IGSF1: variants seen among roughly 807,000 people sequenced by gnomAD.
IGSF1 encodes the protein immunoglobulin-like domain-containing protein 1.
A neutral mutation model predicts 95.3 loss-of-function variants in IGSF1; 40 were observed. The ratio of observed to expected loss-of-function variants is 0.42; its 90% CI spans 0.33 to 0.55. The LOEUF is 0.55. Ranked by LOEUF, IGSF1 falls within the 20% of genes least tolerant of loss-of-function variation. The pLI is 0.10. For synonymous variants in IGSF1, 372 were observed against 382.9 expected (o/e 0.97, Z 0.33); for missense variants, 906 against 1,025.4 (o/e 0.88, Z 1.59).
intron 14 of IGSF1, 132 bp from the exon 15 acceptor site, chrX:131,276,380 TGAAG>T (rs1367949939): frequency 6.0e-6 from 3 of 503,054 alleles, no homozygotes; most frequent in Non-Finnish European, 9.6e-6. Flanking sequence ...AAAAAACTAA[TGAAG>T]GAAACACAAT....
Position 131,277,971 on chromosome X carries a change from A to G in IGSF1, c.2205T>C (p.Phe735=). 1 of 1,211,215 alleles carries G rather than the reference A, an allele frequency of 8.3e-7. No individual in the cohort carries two copies. The highest frequency in any genetic ancestry group is 1.1e-6 in the Non-Finnish European group (1 of 895,200). Reference sequence around the variant, plus strand: ...CTTTATCCTCCATTCTCTGGATTGTAAAGAAGGCTTCTCTTCCAACAGCAC... The same window carrying G: ...CTTTATCCTCCATTCTCTGGATTGTGAAGAAGGCTTCTCTTCCAACAGCAC... ...QLGAVGREAF[F]TIQRMEDKDE... The change falls in exon 13 of 20, where the codon TTT becomes TTC. Residue 735 remains phenylalanine, a synonymous_variant. Coordinates refer to ENST00000361420, the MANE Select transcript of IGSF1 (RefSeq NM_001555.5).
upstream of IGSF1, chrX:131,289,342 C>T (rs766772178): frequency 2.7e-5 from 10 of 367,474 alleles, no homozygotes; most frequent in South Asian, 2.4e-4. Context: ...TTCCTCTCTC[C>T]CCCGCCCGCC....
intron 9 of IGSF1, 73 bp downstream of exon 9, chrX:131,281,145 T>C: frequency 8.7e-7 from 1 of 1,143,523 alleles, no homozygotes; most frequent in Non-Finnish European, 1.2e-6. Flanking sequence ...CTGTGGCTTG[T>C]CTCAACTAGG....
chrX:131,289,312 C>T (rs1454515427), upstream of IGSF1: 2 of 374,713 alleles, frequency 5.3e-6, no homozygotes, highest in Middle Eastern at 4.9e-4. Context: ...AGGACAGCCT[C>T]TTCGGCTCTG....
rs770826537 is a variant in IGSF1 at position 131,283,234 on chromosome X, T to A, written c.698A>T (p.His233Leu). Residue 233 changes from histidine to leucine, a missense_variant, in exon 6 of 20, where the codon CAT (histidine) becomes CTT (leucine). By Grantham distance (99) the His-to-Leu change is moderately conservative (BLOSUM62 -3). Coordinates refer to ENST00000361420, the MANE Select transcript of IGSF1 (RefSeq NM_001555.5). Reference sequence around the variant, plus strand: ...TCCAGGTGCCATGATGGGCCCAGGATGGGCTGTCAAAGTTGGTTTGGGGTA... The same window carrying A: ...TCCAGGTGCCATGATGGGCCCAGGAAGGGCTGTCAAAGTTGGTTTGGGGTA... Reference protein sequence around the residue: ...GLYPKPTLTAHPGPIMAPGES... With the variant: ...GLYPKPTLTALPGPIMAPGES... 10 of 1,209,849 alleles carry A rather than the reference T, an allele frequency of 8.3e-6. No individual in the cohort carries two copies. The Middle Eastern group carries it at 1.7e-3, about 202-fold the overall frequency.
At chrX:131,284,205 C>T in intron 5 of IGSF1, 7 of 355,363 alleles carry the variant, frequency 2.0e-5, no homozygotes, top group Non-Finnish European at 2.2e-5. Context: ...ATGCCAGGCA[C>T]TGTACATATA....
In IGSF1 at chrX:131,277,760, C is replaced by T. The variant is rs1272839664; in HGVS notation, c.2320+96G>A. 9.1e-6 allele frequency: 9 copies of T among 988,923 alleles called. No homozygotes were observed. The South Asian group carries it at 2.1e-4, about 23-fold the overall frequency. 81.5% of individuals were successfully genotyped at this position (988,923 alleles called of 1,213,427 possible). A position where few individuals can be genotyped will look rare whatever the true frequency, so the allele number is the denominator to read the frequency against. On this transcript the variant is annotated intron_variant, in intron 13 of 19. Transcript: ENST00000361420. ...ATTGGACACAGGCTCTCAGGACCAG[C>T]AGCAAAGTTTGCTGCAGGGAGAGGA... is the stretch of plus-strand genomic sequence containing the variant.
chrX:131,275,862 T>G, intron 15 of IGSF1, 97 bp from the exon 16 acceptor site: 1 of 1,141,231 alleles, frequency 8.8e-7, no homozygotes. Flanking sequence ...GCACGGTAGT[T>G]CCCCTCCGTG....
At chrX:131,283,352 G>T in intron 5 of IGSF1, 88 bp from the exon 6 acceptor site, 1 of 812,696 alleles carries the variant, frequency 1.2e-6, no homozygotes, top group Non-Finnish European at 1.8e-6. Context: ...CTTTGAACAA[G>T]AAGTGGTAGC....
At chrX:131,278,794 T>TCCCCTCCCTC in intron 11 of IGSF1, 43 bp from the exon 12 acceptor site, 2 of 1,121,576 alleles carry the variant, frequency 1.8e-6, no homozygotes, top group Non-Finnish European at 2.4e-6. Context: ...CCGCCTCCCT[T>TCCCCTCCCTC]CCCCTCCCTC....
At chrX:131,275,395 C>G (rs1054191527) in intron 16 of IGSF1, 83 bp downstream of exon 16, 56 of 1,138,336 alleles carry the variant, frequency 4.9e-5, no homozygotes, top group Non-Finnish European at 5.7e-5. Context: ...TCTCCTCGAG[C>G]TCTCTGAAAA....
chrX:131,278,228 A>G, intron 12 of IGSF1, 94 bp from the exon 13 acceptor site: 2 of 928,791 alleles, frequency 2.2e-6, no homozygotes, highest in Non-Finnish European at 3.0e-6. Flanking sequence ...AAAGACATTC[A>G]TTCTGGGCTG....
At chrX:131,284,221 A>T in intron 5 of IGSF1, 1 of 314,810 alleles carries the variant, frequency 3.2e-6, no homozygotes, top group Non-Finnish European at 4.2e-6. Context: ...ATATATATTT[A>T]GGCAAATCCT....
At position 131,285,828 on chromosome X, in the gene IGSF1, G is replaced by A. The variant is rs1195321548; in HGVS notation, c.318C>T (p.Cys106=). 1 of 1,210,751 alleles carries A rather than the reference G, an allele frequency of 8.3e-7. No homozygotes were observed. Among genetic ancestry groups the A allele is most frequent in the Non-Finnish European group, 1.1e-6 (1 of 894,771 alleles). Residue 106 remains cysteine (C), a synonymous_variant, in exon 4 of 20, where the codon TGC becomes TGT. Transcript: ENST00000361420. ...ACCAGCCTGTCTCCTTCCAGTAGCA[G>A]CACCGGTAAAGACCTGCATTGGACT... ...LTESNAGLYR[C]CYWKETGWSK...
At chrX:131,279,872 A>G (rs994787496) in intron 9 of IGSF1, among the ~76,000 whole-genome samples, 1 of 112,058 alleles carries the variant, frequency 8.9e-6, no homozygotes, top group Non-Finnish European at 1.9e-5. Context: ...ATGAATTACT[A>G]GAAGATTGGC....
At chrX:131,278,964 A>C (rs1487972793) in intron 11 of IGSF1, among the ~76,000 whole-genome samples, 179 bp downstream of exon 11, 1 of 111,382 alleles carries the variant, frequency 9.0e-6, no homozygotes. Flanking sequence ...GCTTGGAGGA[A>C]ATTTTGCAGG....
chrX:131,281,073 A>C (rs2080551278), intron 9 of IGSF1, 145 bp downstream of exon 9: 3 of 602,607 alleles, frequency 5.0e-6, no homozygotes, highest in Non-Finnish European at 8.0e-6. Flanking sequence ...CGAAAGAGAC[A>C]GGTGGGGTGA....
chrX:131,273,689 A>T lies in IGSF1; in HGVS notation c.*107T>A. 1 of 788,585 alleles carries T rather than the reference A, an allele frequency of 1.3e-6. No homozygotes were observed. The highest frequency in any genetic ancestry group is 1.8e-6 in the Non-Finnish European group (1 of 541,553). The allele number at this position is 788,585 out of a possible 1,213,427, so 65.0% of individuals were successfully genotyped here. A position where few individuals can be genotyped will look rare whatever the true frequency, so the allele number is the denominator to read the frequency against. ...CCCTTTACCCAGCTCAGGTGATTAG[A>T]GACCAAGGAACAGCAGATGGGGCTG... On this transcript the variant is annotated 3_prime_UTR_variant, in exon 20 of 20. Coordinates refer to ENST00000361420, the MANE Select transcript of IGSF1 (RefSeq NM_001555.5).
At chrX:131,277,639 C>T (rs776988493) in intron 13 of IGSF1, 1 of 400,074 alleles carries the variant, frequency 2.5e-6, no homozygotes, top group Admixed American at 4.4e-5. Context: ...TTAAATCACC[C>T]TCCACGAACC....
Sources: allele counts gnomAD v4.1 joint callset (sites outside exome capture counted in the v4.1 genomes callset), GRCh38; gene constraint gnomAD v4.1.1; transcripts MANE v1.5; gene names NCBI Gene and HGNC (gene_info 2026-07-23, HGNC 2026-07-21).